Variants in MINDY4 observed in about 807,000 individuals in gnomAD.
The protein encoded by MINDY4 is probable ubiquitin carboxyl-terminal hydrolase MINDY-4.
A neutral mutation model predicts 87.0 loss-of-function variants in MINDY4; 68 were observed. That is an observed-to-expected ratio of 0.78 (90% CI 0.64 to 0.96). MINDY4 has a LOEUF of 0.96. Among genes scored for constraint, MINDY4 ranks in the 40% least tolerant of loss-of-function variants. The pLI, the probability that MINDY4 is intolerant of heterozygous loss-of-function variation, is 0.00. For synonymous variants in MINDY4, 379 were observed against 363.2 expected, an observed-to-expected ratio of 1.04 and a Z score of -0.50; for missense variants, 919 against 928.2, an observed-to-expected ratio of 0.99 and a Z score of 0.13.
intron 5 of MINDY4, among the ~76,000 whole-genome samples, chr7:30,802,452 T>C (rs987726747): frequency 6.6e-6 from 1 of 152,140 alleles, no homozygotes; most frequent in African/African-American, 2.4e-5. Context: ...ACCCTCAGTA[T>C]AGAACAATGA....
At chr7:30,812,207 C>T (rs1788020327) in intron 5 of MINDY4, among the ~76,000 whole-genome samples, 1 of 144,634 alleles carries the variant, frequency 6.9e-6, no homozygotes, top group Non-Finnish European at 1.5e-5. Context: ...GATGGTATAT[C>T]ATGATGTCCA....
chr7:30,805,887 A>G (rs1787791885), intron 5 of MINDY4, among the ~76,000 whole-genome samples: 2 of 152,188 alleles, frequency 1.3e-5, no homozygotes, highest in Admixed American at 6.5e-5. Context: ...TTTGTGAGCC[A>G]TGTTTGCACC....
rs563015062 is a variant in MINDY4 at position 30,835,486 on chromosome 7, T to G, written c.1133-1172T>G. Among the ~76,000 whole-genome samples the G allele has an allele frequency of 2.0e-5, 3 of 152,334 alleles. No individual in the cohort carries two copies. In the South Asian group the frequency reaches 6.2e-4, roughly 32 times the overall value. On this transcript the variant is annotated intron_variant, in intron 6 of 17. Coordinates refer to ENST00000265299, the MANE Select transcript of MINDY4 (RefSeq NM_032222.3). ...GAGCCAAACCATATCAGAAGCATTC[T>G]CATCTAAGTTCAGGTTCATATTTAA...
At position 30,879,344 on chromosome 7, in the gene MINDY4, G is replaced by T. The variant is rs1458424301; in HGVS notation, c.1972-2837G>T. ...AAGGCAACCATCTACAAGCTCAGGG[G>T]CACGGCCTTCAGAAACAACCCTAGT... On this transcript the variant is annotated intron_variant, in intron 15 of 17. Coordinates refer to ENST00000265299, the MANE Select transcript of MINDY4 (RefSeq NM_032222.3). Among the ~76,000 whole-genome samples the T allele has an allele frequency of 2.6e-5, 4 of 152,152 alleles. No individual in the cohort carries two copies. In the South Asian group the frequency reaches 8.3e-4, roughly 31 times the overall value.
At chr7:30,845,894 G>A (rs576288962) in intron 9 of MINDY4, among the ~76,000 whole-genome samples, 2 of 152,350 alleles carry the variant, frequency 1.3e-5, no homozygotes, top group East Asian at 3.9e-4. Context: ...GGGAAGGATG[G>A]AGCTGGGCAG....
chr7:30,782,653 T>C (rs1787040524), intron 3 of MINDY4, among the ~76,000 whole-genome samples: 1 of 152,054 alleles, frequency 6.6e-6, no homozygotes, highest in Non-Finnish European at 1.5e-5. Flanking sequence ...CAGTGAGTTA[T>C]GATCACACCA....
intron 13 of MINDY4, among the ~76,000 whole-genome samples, chr7:30,862,143 C>G (rs143108822): frequency 2.8e-4 from 42 of 152,360 alleles, no homozygotes; most frequent in African/African-American, 9.6e-4. Context: ...AGTGCTCCCT[C>G]CTGACTGTTG....
intron 13 of MINDY4, among the ~76,000 whole-genome samples, chr7:30,862,277 T>C (rs1789788658): frequency 6.6e-6 from 1 of 152,338 alleles, no homozygotes; most frequent in East Asian, 1.9e-4. Flanking sequence ...AGGATGGGAA[T>C]AGCCCGGGCA....
At chr7:30,891,029 A>G (rs901891778) in intron 17 of MINDY4, among the ~76,000 whole-genome samples, 1 of 152,138 alleles carries the variant, frequency 6.6e-6, no homozygotes, top group Non-Finnish European at 1.5e-5. Flanking sequence ...ATTGAAGAAA[A>G]TCTTCAGGTT....
chr7:30,829,883 G>A (rs776353622), intron 6 of MINDY4, among the ~76,000 whole-genome samples: 12 of 152,198 alleles, frequency 7.9e-5, no homozygotes, highest in Non-Finnish European at 1.5e-4. Context: ...TGGAAGGAAG[G>A]CTGTTAGCAA....
chr7:30,852,358 C>T, intron 11 of MINDY4, 79 bp downstream of exon 11: 4 of 1,603,790 alleles, frequency 2.5e-6, no homozygotes, highest in Non-Finnish European at 3.4e-6. Flanking sequence ...TAAATCCTTC[C>T]TCAGCTGGGG....
intron 5 of MINDY4, among the ~76,000 whole-genome samples, chr7:30,814,768 G>A (rs1788099800): frequency 1.3e-5 from 2 of 152,174 alleles, no homozygotes; most frequent in African/African-American, 4.8e-5. Flanking sequence ...AAAAATAAGT[G>A]TTATTTAAGT....
chr7:30,867,570 C>T (rs1789977363), intron 13 of MINDY4, among the ~76,000 whole-genome samples: 1 of 152,136 alleles, frequency 6.6e-6, no homozygotes, highest in Non-Finnish European at 1.5e-5. Context: ...TGGATTTGAC[C>T]AGGGCCCTCT....
At chr7:30,786,630 GA>G (rs59508821) in intron 4 of MINDY4, 41,156 of 119,880 alleles carry the variant, frequency 0.34, 5,044 homozygotes, top group African/African-American at 0.37. Flanking sequence ...GTCTCAAAAA[GA>G]AAAAAAAAAA....
intron 13 of MINDY4, 126 bp downstream of exon 13, chr7:30,859,450 A>G: frequency 1.1e-6 from 1 of 910,748 alleles, no homozygotes; most frequent in East Asian, 2.4e-5. Flanking sequence ...GGAAAGGATG[A>G]ATGAAGCAGT....
chr7:30,833,814 G>T lies in MINDY4; in HGVS notation c.1133-2844G>T, dbSNP rs182247375. Among the ~76,000 whole-genome samples the T allele has an allele frequency of 3.0e-4, 46 of 152,280 alleles. 3 individuals carry two copies. In the East Asian group the frequency reaches 4.6e-3, roughly 15 times the overall value. The stretch of plus-strand genomic sequence containing the variant: ...TGGGAGAAATTGGCCAAAACAAAGG[G>T]GCCCAGGCCCTACGCAAGTCCAAAA... On this transcript the variant is annotated intron_variant, in intron 6 of 17. Transcript: ENST00000265299.
At chr7:30,828,818 C>T (rs1010437121) in intron 6 of MINDY4, 81 bp downstream of exon 6, 100 of 1,440,870 alleles carry the variant, frequency 6.9e-5, no homozygotes, top group Middle Eastern at 2.4e-4. Context: ...GATGGGTGGT[C>T]GGGGGCCCCT....
chr7:30,841,269 C>G lies in MINDY4; in HGVS notation c.1445+421C>G, dbSNP rs75846817. On this transcript the variant is annotated intron_variant, in intron 9 of 17. Coordinates refer to ENST00000265299, the MANE Select transcript of MINDY4 (RefSeq NM_032222.3). ...TTCCAGGCCGCCCCACAGATCATCA[C>G]TTCCACTCCCTGCAGCCGTTCAGTT... Among the ~76,000 whole-genome samples the G allele has an allele frequency of 1.4e-4, 21 of 152,366 alleles. No individual in the cohort carries two copies. In the East Asian group the frequency reaches 3.5e-3, roughly 25 times the overall value.
At chr7:30,775,318 G>T (rs1786776534) in intron 1 of MINDY4, among the ~76,000 whole-genome samples, 1 of 152,150 alleles carries the variant, frequency 6.6e-6, no homozygotes, top group African/African-American at 2.4e-5. Flanking sequence ...TTAATAATGT[G>T]CTAGAATGGC....
Sources: allele counts gnomAD v4.1 joint callset (sites outside exome capture counted in the v4.1 genomes callset), GRCh38; gene constraint gnomAD v4.1.1; transcripts MANE v1.5; gene names NCBI Gene and HGNC (gene_info 2026-07-23, HGNC 2026-07-21).